BNC1: variants seen among roughly 807,000 people sequenced by gnomAD.
BNC1 encodes the protein basonuclin zinc finger protein 1, also known as zinc finger protein basonuclin-1.
BNC1 carries 8 observed loss-of-function variants against 66.5 expected under a neutral mutation model. The observed-to-expected ratio is 0.12, with a 90% CI of 0.07 to 0.22. The LOEUF is 0.22. Among genes scored for constraint, BNC1 ranks in the 10% least tolerant of loss-of-function variants. The pLI is 1.00. For synonymous variants in BNC1, 454 were observed against 452.6 expected (o/e 1.00, Z -0.04); for missense variants, 1,069 against 1,241.3 (o/e 0.86, Z 2.09).
In BNC1 at chr15:83,268,114, G is replaced by A; in HGVS notation, c.199+19C>T. 1 of 1,599,084 alleles carries A rather than the reference G, an allele frequency of 6.3e-7. No individual in the cohort carries two copies. The highest frequency in any genetic ancestry group is 8.6e-7 in the Non-Finnish European group (1 of 1,166,290). On this transcript the variant is annotated intron_variant, in intron 2 of 4. Coordinates refer to ENST00000345382, the MANE Select transcript of BNC1 (RefSeq NM_001717.4). ...AGAGGTAACACTACAGGCCAAGAGA[G>A]GGTGAAAAATAAAGTTACCGTGGGC...
intron 1 of BNC1, among the ~76,000 whole-genome samples, chr15:83,282,831 T>C (rs2038392719): frequency 6.6e-6 from 1 of 152,260 alleles, no homozygotes; most frequent in South Asian, 2.1e-4. Flanking sequence ...ACATCTGCTC[T>C]GTGGTCCTAT....
At chr15:83,264,868 T>C in intron 3 of BNC1, 53 bp from the exon 4 acceptor site, 1 of 1,544,566 alleles carries the variant, frequency 6.5e-7, no homozygotes, top group Non-Finnish European at 8.8e-7. Flanking sequence ...TCCTTACCCT[T>C]TCCTCTAAAA....
chr15:83,270,736 C>T (rs1470780065), intron 1 of BNC1, among the ~76,000 whole-genome samples: 2 of 152,160 alleles, frequency 1.3e-5, no homozygotes, highest in Non-Finnish European at 2.9e-5. Context: ...GATATACGTG[C>T]ATTACCAGAT....
At chr15:83,273,040 ATT>A (rs142548208) in intron 1 of BNC1, among the ~76,000 whole-genome samples, 2,064 of 152,276 alleles carry the variant, frequency 0.014, 23 homozygotes, top group Non-Finnish European at 0.021. Context: ...TTTGGGGGCA[ATT>A]TTAGCTTCAG....
In BNC1 at chr15:83,264,649, T is replaced by C; in HGVS notation, c.602A>G (p.Asn201Ser). ...CTCGATGAAAGCCCTGATATCTACA[T>C]TTGCTGTGGAAGGTGGTATGATGAT... ...QSIIIPPSTA[N>S]VDIRAFIESC... Residue 201 changes from asparagine to serine, a missense_variant, in exon 4 of 5, where the codon AAT becomes AGT. Asn to Ser is a conservative substitution (Grantham distance 46, BLOSUM62 1). Around this residue, in one of 7 missense-constraint regions of BNC1, gnomAD observed 181 missense variants for 181.5 expected, o/e 1.00. Coordinates refer to ENST00000345382, the MANE Select transcript of BNC1 (RefSeq NM_001717.4). The C allele has an allele frequency of 6.2e-7, 1 of 1,614,142 alleles. No homozygotes were observed. The highest frequency in any genetic ancestry group is 8.5e-7 in the Non-Finnish European group (1 of 1,180,020).
Position 83,264,341 on chromosome 15 carries a change from A to G in BNC1, c.910T>C (p.Cys304Arg), listed in dbSNP as rs772310670. Residue 304 changes from cysteine (C) to arginine (R), a missense_variant, in exon 4 of 5, where the codon TGT becomes CGT. Around this residue, in one of 7 missense-constraint regions of BNC1, gnomAD observed 181 missense variants for 181.5 expected, o/e 1.00. Transcript: ENST00000345382. Reference protein sequence around the residue: ...STPFQVEKDQCLNCPDAITKK... With the variant: ...STPFQVEKDQRLNCPDAITKK... ...GTAATAGCATCCGGACAGTTTAAAC[A>G]CTGATCTTTTTCAACCTGAAATGGT... is the stretch of plus-strand genomic sequence containing the variant. The G allele has an allele frequency of 1.2e-6, 2 of 1,613,980 alleles. No homozygotes were observed. Among genetic ancestry groups the G allele is most frequent in the African/African-American group, 1.3e-5 (1 of 74,880 alleles).
At chr15:83,258,354 A>G (rs2038106142) in intron 4 of BNC1, among the ~76,000 whole-genome samples, 1 of 152,222 alleles carries the variant, frequency 6.6e-6, no homozygotes, top group African/African-American at 2.4e-5. Context: ...CAGTCTGGAT[A>G]CTGAGAATAT....
intron 1 of BNC1, chr15:83,283,186 T>C: frequency 6.5e-7 from 1 of 1,535,528 alleles, no homozygotes; most frequent in Non-Finnish European, 8.7e-7. Flanking sequence ...ATGCCTTAAA[T>C]GAGAAGAACA....
chr15:83,272,394 C>CTTTTTTTTTTTTTTTTT (rs750429207), intron 1 of BNC1, among the ~76,000 whole-genome samples: 76 of 122,676 alleles, frequency 6.2e-4, no homozygotes, highest in African/African-American at 1.8e-3. Context: ...CCACACCTGG[C>CTTTTTTTTTTTTTTTTT]TTTTTTTTTT....
intron 1 of BNC1, among the ~76,000 whole-genome samples, chr15:83,284,114 A>G (rs79427662): frequency 6.6e-6 from 1 of 151,462 alleles, no homozygotes; most frequent in South Asian, 2.1e-4. Context: ...AAAAAAAAAA[A>G]GAAGGGGTCG....
intron 1 of BNC1, among the ~76,000 whole-genome samples, chr15:83,280,310 A>G (rs1047156580): frequency 5.3e-5 from 8 of 152,226 alleles, no homozygotes; most frequent in Non-Finnish European, 1.2e-4. Context: ...ATAACAAAAA[A>G]CCAAAAGATA....
chr15:83,267,084 A>G lies in BNC1; in HGVS notation c.200-13T>C. On this transcript the variant is annotated splice_polypyrimidine_tract_variant and intron_variant, in intron 2 of 4. Transcript: ENST00000345382. ...AGCTTACTTAGAGCTGAAAAATCAA[A>G]TTGAGGAAATGTCATTTTGAAAAGT... 6.3e-7 allele frequency: 1 copy of G among 1,593,716 alleles called. No homozygotes were observed. The highest frequency in any genetic ancestry group is 8.6e-7 in the Non-Finnish European group (1 of 1,162,338).
chr15:83,258,718 A>G (rs1336967074), intron 4 of BNC1, among the ~76,000 whole-genome samples: 3 of 152,180 alleles, frequency 2.0e-5, no homozygotes, highest in African/African-American at 7.2e-5. Flanking sequence ...ATCAGGAAAC[A>G]TTACCTTCTG....
At chr15:83,282,697 T>C (rs1330792169) in intron 1 of BNC1, among the ~76,000 whole-genome samples, 1 of 152,216 alleles carries the variant, frequency 6.6e-6, no homozygotes, top group African/African-American at 2.4e-5. Flanking sequence ...TAAAATCGAA[T>C]AGCAAATTAA....
intron 1 of BNC1, among the ~76,000 whole-genome samples, chr15:83,271,354 G>C (rs1448476756): frequency 1.3e-5 from 2 of 152,230 alleles, no homozygotes; most frequent in African/African-American, 4.8e-5. Context: ...TTTGAACACA[G>C]CTGCAGCTAG....
rs2038069189 is a variant in BNC1 at position 83,255,976 on chromosome 15, T to A, written c.*1466A>T. The A allele has an allele frequency of 6.6e-6, 1 of 152,670 alleles. No homozygotes were observed. The highest frequency in any genetic ancestry group is 6.5e-5 in the Admixed American group (1 of 15,282). The allele number at this position is 152,670 out of a possible 1,614,324, so 9.5% of individuals were successfully genotyped here. A position where few individuals can be genotyped will look rare whatever the true frequency, so the allele number is the denominator to read the frequency against. ...TCTTTTCACTTTGGGAAGACTGGAA[T>A]ATTAAACAGCTGGGTAACTAAACAG... is the stretch of plus-strand genomic sequence containing the variant. On this transcript the variant is annotated 3_prime_UTR_variant, in exon 5 of 5. Coordinates refer to ENST00000345382, the MANE Select transcript of BNC1 (RefSeq NM_001717.4).
At chr15:83,258,786 G>A (rs1397415185) in intron 4 of BNC1, among the ~76,000 whole-genome samples, 2 of 152,210 alleles carry the variant, frequency 1.3e-5, no homozygotes, top group Non-Finnish European at 2.9e-5. Context: ...CACCTGAAAT[G>A]TGGCTAGTAT....
chr15:83,271,101 C>A (rs1405908936), intron 1 of BNC1, among the ~76,000 whole-genome samples: 1 of 152,110 alleles, frequency 6.6e-6, no homozygotes, highest in Non-Finnish European at 1.5e-5. Flanking sequence ...CATAGTGAAA[C>A]CCTGTCTCTA....
chr15:83,283,360 T>A lies in BNC1; in HGVS notation c.99+1170A>T, dbSNP rs891035297. 54 of 1,356,676 alleles carry A rather than the reference T, an allele frequency of 4.0e-5. No homozygotes were observed. In the African/African-American group the frequency reaches 7.5e-4, roughly 19 times the overall value. 84.0% of individuals were successfully genotyped at this position (1,356,676 alleles called of 1,614,324 possible). ...CGGGGCTCCGGGTCTGGGCGGCGGC[T>A]CCGGAGGAGCAGCGGGAGACCCCGC... On this transcript the variant is annotated intron_variant, in intron 1 of 4. Coordinates refer to ENST00000345382, the MANE Select transcript of BNC1 (RefSeq NM_001717.4).
Sources: gnomAD v4.1 joint callset for allele counts (sites outside exome capture counted in the v4.1 genomes callset) on GRCh38, gnomAD v4.1.1 for gene constraint, gnomAD v4.1.1 regional missense constraint, MANE v1.5 for transcripts, NCBI Gene and HGNC (gene_info 2026-07-23, HGNC 2026-07-21) for gene names.